The following NBAS variants were observed in gnomAD, a reference collection of about 807,000 sequenced individuals.
NBAS encodes NAG/BC035112 fusion.
A neutral mutation model predicts 302.5 loss-of-function variants in NBAS; 219 were observed. That is an observed-to-expected ratio of 0.72 (90% CI 0.65 to 0.81). The LOEUF (loss-of-function observed/expected upper bound fraction) is 0.81, where lower values mean the gene tolerates loss of function less well. Among genes scored for constraint, NBAS ranks in the 30% least tolerant of loss-of-function variants. The probability of loss-of-function intolerance (pLI) is 0.00; values close to 1 mark genes in which losing one functional copy is unlikely to be tolerated. For missense variants in NBAS, 2,932 were observed against 2,841.6 expected (o/e 1.03, Z -0.72); for synonymous variants, 1,118 against 1,021.6 (o/e 1.09, Z -1.80).
intron 35 of NBAS, among the ~76,000 whole-genome samples, chr2:15,349,113 C>G (rs1462910764): frequency 6.6e-6 from 1 of 152,134 alleles, no homozygotes; most frequent in East Asian, 1.9e-4. Context: ...ATGTTCCCCA[C>G]CACTGGAACA....
At chr2:15,332,998 A>G (rs1227049595) in intron 35 of NBAS, among the ~76,000 whole-genome samples, 2 of 152,226 alleles carry the variant, frequency 1.3e-5, no homozygotes, top group Non-Finnish European at 2.9e-5. Flanking sequence ...CTCTGCCCTC[A>G]AGGAGCTCAG....
the NBAS span, among the ~76,000 whole-genome samples, chr2:15,028,791 T>C: frequency 6.6e-6 from 1 of 152,210 alleles, no homozygotes; most frequent in Non-Finnish European, 1.5e-5. Context: ...CCAATCTCAG[T>C]TTTAAAGAAG....
the NBAS span, among the ~76,000 whole-genome samples, chr2:14,842,409 T>G: frequency 6.6e-6 from 1 of 151,730 alleles, no homozygotes; most frequent in Non-Finnish European, 1.5e-5. Context: ...TAAACAAAAT[T>G]AATAAACTTT....
intron 40 of NBAS, among the ~76,000 whole-genome samples, chr2:15,297,100 G>A (rs1294425915): frequency 6.6e-6 from 1 of 152,140 alleles, no homozygotes; most frequent in Non-Finnish European, 1.5e-5. Flanking sequence ...CATGTACTGA[G>A]TCTCATTTTG....
chr2:14,845,505 C>G, the NBAS span, among the ~76,000 whole-genome samples: 8 of 152,200 alleles, frequency 5.3e-5, no homozygotes, highest in Admixed American at 1.3e-4. Context: ...CAGAGATGAA[C>G]ATCCACAAGC....
Position 15,179,136 on chromosome 2 carries a change from G to GT in NBAS, c.6712-21dup, listed in dbSNP as rs756532028. ...CACACCCTGAAACCACAGAGCAGGG[G>GT]TGAGCGAGAACTCCACGACGTACTT... On this transcript the variant is annotated intron_variant, in intron 50 of 51. Transcript: ENST00000281513. The GT allele has an allele frequency of 4.3e-6, 7 of 1,613,752 alleles. No homozygotes were observed. The African/African-American group carries it at 9.3e-5, about 22-fold the overall frequency.
At chr2:15,328,368 T>C in intron 36 of NBAS, 56 bp from the exon 37 acceptor site, 1 of 1,425,640 alleles carries the variant, frequency 7.0e-7, no homozygotes, top group Non-Finnish European at 9.9e-7. Context: ...GGCAAGGAGG[T>C]AGAAGAAGTA....
At chr2:15,440,891 G>A (rs1047698743) in intron 21 of NBAS, among the ~76,000 whole-genome samples, 6 of 151,946 alleles carry the variant, frequency 3.9e-5, no homozygotes, top group Non-Finnish European at 8.8e-5. Context: ...CGATCAACTG[G>A]AAGAAAGGGT....
the NBAS span, among the ~76,000 whole-genome samples, chr2:14,828,500 G>A: frequency 2.0e-5 from 3 of 152,180 alleles, no homozygotes; most frequent in African/African-American, 7.2e-5. Flanking sequence ...CAAACCACAT[G>A]AGAGGAATCT....
At chr2:15,458,268 A>G (rs902501694) in intron 21 of NBAS, among the ~76,000 whole-genome samples, 7 of 152,208 alleles carry the variant, frequency 4.6e-5, no homozygotes, top group Admixed American at 1.3e-4. Context: ...AAATCCTCCT[A>G]GAAGAGGTTA....
At chr2:14,818,708 T>A in the NBAS span, among the ~76,000 whole-genome samples, 3 of 152,310 alleles carry the variant, frequency 2.0e-5, no homozygotes, top group East Asian at 5.8e-4. Context: ...AAGGTCTGAC[T>A]GCTAAACCTC....
chr2:14,950,901 C>T, the NBAS span, among the ~76,000 whole-genome samples: 185 of 152,280 alleles, frequency 1.2e-3, no homozygotes, highest in Middle Eastern at 6.8e-3. Context: ...ATTTTAGAAG[C>T]TTTGTCCCTG....
rs937723498 is a variant in NBAS at position 15,397,726 on chromosome 2, C to T, written c.3072-1251G>A. On this transcript the variant is annotated intron_variant, in intron 26 of 51. Transcript: ENST00000281513. ...GGGCACAGTTCATGCAGTGAACAGG[C>T]TGCATGTGGCTGTGGCCCTTTTTGG... 1.4e-5 allele frequency: 5 copies of T among 354,026 alleles called. 1 individual carries two copies. Among genetic ancestry groups the T allele is most frequent in the Non-Finnish European group, 2.6e-5 (5 of 191,440 alleles). The allele number at this position is 354,026 out of a possible 1,614,324, so 21.9% of individuals were successfully genotyped here.
At chr2:15,388,510 C>T (rs916012533) in intron 28 of NBAS, among the ~76,000 whole-genome samples, 4 of 152,050 alleles carry the variant, frequency 2.6e-5, no homozygotes, top group Non-Finnish European at 4.4e-5. Context: ...AGAGGAGTGA[C>T]ATAACTCTTA....
At chr2:15,185,307 C>T (rs1665023812) in intron 50 of NBAS, among the ~76,000 whole-genome samples, 1 of 152,130 alleles carries the variant, frequency 6.6e-6, no homozygotes, top group Admixed American at 6.5e-5. Flanking sequence ...TTGGTTATCA[C>T]CATTACCACC....
intron 27 of NBAS, among the ~76,000 whole-genome samples, chr2:15,396,108 T>C (rs1675852552): frequency 6.6e-6 from 1 of 152,158 alleles, no homozygotes; most frequent in Admixed American, 6.5e-5. Flanking sequence ...TAATCTAATA[T>C]TGATTCCACA....
At chr2:15,178,104 A>G (rs1449037689) in intron 51 of NBAS, 2 of 468,806 alleles carry the variant, frequency 4.3e-6, no homozygotes, top group Non-Finnish European at 8.8e-6. Flanking sequence ...TTGAGTAGCA[A>G]GCATATACCT....
the NBAS span, among the ~76,000 whole-genome samples, chr2:14,966,173 C>A: frequency 6.6e-6 from 1 of 152,152 alleles, no homozygotes; most frequent in African/African-American, 2.4e-5. Context: ...ACCTGGAAAT[C>A]TTGTCAGACT....
the NBAS span, among the ~76,000 whole-genome samples, chr2:14,781,484 A>G: frequency 6.6e-6 from 1 of 152,214 alleles, no homozygotes; most frequent in Non-Finnish European, 1.5e-5. Context: ...GGAAAAAAAA[A>G]AAATCCAATA....
Sources: allele counts gnomAD v4.1 joint callset (sites outside exome capture counted in the v4.1 genomes callset), GRCh38; gene constraint gnomAD v4.1.1; transcripts MANE v1.5; gene names NCBI Gene and HGNC (gene_info 2026-07-23, HGNC 2026-07-21).